Variants in COPS5 observed in about 807,000 individuals in gnomAD.
COPS5 encodes COP9 signalosome complex subunit 5.
In COPS5, 8 loss-of-function variants were observed where a neutral mutation model predicts 44.4. The observed-to-expected ratio is 0.18, with a 90% CI of 0.11 to 0.32. The LOEUF is 0.32. Ranked by LOEUF, COPS5 falls within the 10% of genes least tolerant of loss-of-function variation. COPS5 has a pLI of 1.00. For missense variants in COPS5, 159 were observed against 406.4 expected (o/e 0.39, Z 5.23); for synonymous variants, 122 against 142.8 (o/e 0.85, Z 1.04).
chr8:67,057,470 C>G, intron 3 of COPS5, 25 bp from the exon 4 acceptor site: 4 of 1,512,980 alleles, frequency 2.6e-6, no homozygotes, highest in Non-Finnish European at 9.1e-7. Context: ...TATTTAATAT[C>G]TGCTGATATA....
chr8:67,059,218 G>C lies in COPS5; in HGVS notation c.371C>G (p.Ala124Gly). 6.2e-7 allele frequency: 1 copy of C among 1,612,340 alleles called. No individual in the cohort carries two copies. The highest frequency in any genetic ancestry group is 1.7e-5 in the Admixed American group (1 of 60,002). The change falls in exon 2 of 8, where the codon GCA (alanine) becomes GGA (glycine). Residue 124 changes from alanine to glycine, a missense_variant. By Grantham distance (60) the Ala-to-Gly change is moderately conservative. This residue lies in a region of COPS5 where 134 missense variants were observed against 376.7 expected (regional missense o/e 0.36). Coordinates refer to ENST00000357849, the MANE Select transcript of COPS5 (RefSeq NM_006837.3). Reference protein sequence around the residue: ...YEYMAAYIENAKQVGRLENAI... With the variant: ...YEYMAAYIENGKQVGRLENAI... ...AAGAAACAACATTTTTACCTGTTTT[G>C]CATTTTCTATGTATGCAGCCATGTA...
chr8:67,053,083 C>G (rs1437399766), intron 5 of COPS5, among the ~76,000 whole-genome samples: 1 of 151,848 alleles, frequency 6.6e-6, no homozygotes. Flanking sequence ...CATAGGCACC[C>G]TTTTAAAAAC....
At chr8:67,056,215 A>G (rs1419371252) in intron 5 of COPS5, among the ~76,000 whole-genome samples, 4 of 152,184 alleles carry the variant, frequency 2.6e-5, no homozygotes, top group Non-Finnish European at 5.9e-5. Flanking sequence ...ATATACTATT[A>G]TTGTAAAAGC....
chr8:67,055,191 CAGA>C (rs1237243867), intron 5 of COPS5, among the ~76,000 whole-genome samples: 1 of 152,136 alleles, frequency 6.6e-6, no homozygotes, highest in East Asian at 1.9e-4. Context: ...TGCAGACCAG[CAGA>C]AGTTCAGTGA....
In COPS5 at chr8:67,057,537, A is replaced by G. The variant is rs1804531560; in HGVS notation, c.508-92T>C. The G allele has an allele frequency of 6.5e-6, 5 of 769,424 alleles. No homozygotes were observed. The Admixed American group carries it at 9.9e-5, about 15-fold the overall frequency. 47.7% of individuals were successfully genotyped at this position (769,424 alleles called of 1,614,324 possible). ...ACCTAGAAATGTATACATACATATA[A>G]CACTATATACATACATAATAACCAA... On this transcript the variant is annotated intron_variant, in intron 3 of 7. Coordinates refer to ENST00000357849, the MANE Select transcript of COPS5 (RefSeq NM_006837.3).
At chr8:67,058,354 G>C (rs1032075521) in intron 2 of COPS5, 143 bp from the exon 3 acceptor site, 2 of 684,520 alleles carry the variant, frequency 2.9e-6, no homozygotes, top group Admixed American at 5.5e-5. Flanking sequence ...AAATCTATGG[G>C]CAATTGCTTA....
chr8:67,059,080 T>C, intron 2 of COPS5, 131 bp downstream of exon 2: 2 of 625,578 alleles, frequency 3.2e-6, no homozygotes, highest in Non-Finnish European at 5.4e-6. Flanking sequence ...ATCTCGTACA[T>C]TTTACATATA....
intron 7 of COPS5, chr8:67,045,553 A>G (rs1169358699): frequency 9.5e-6 from 4 of 419,620 alleles, no homozygotes; most frequent in Non-Finnish European, 1.7e-5. Flanking sequence ...TTGAACCTAG[A>G]AAAGGTGACT....
At chr8:67,046,389 T>A (rs1226855994) in intron 6 of COPS5, among the ~76,000 whole-genome samples, 1 of 152,190 alleles carries the variant, frequency 6.6e-6, no homozygotes, top group African/African-American at 2.4e-5. Flanking sequence ...GAAAGTTAAA[T>A]GAAGTAATGC....
chr8:67,048,442 C>T (rs374824273), intron 6 of COPS5, among the ~76,000 whole-genome samples: 10 of 151,792 alleles, frequency 6.6e-5, no homozygotes, highest in East Asian at 1.9e-4. Context: ...TCCAGCCGGG[C>T]GCGGTGGCTC....
intron 1 of COPS5, chr8:67,061,358 G>C (rs1804617231): frequency 2.2e-6 from 1 of 449,502 alleles, no homozygotes; most frequent in Non-Finnish European, 4.4e-6. Context: ...GGAAGGCGAA[G>C]GCGGGAGGAT....
chr8:67,043,477 C>T (rs919994740), intron 7 of COPS5, 160 bp from the exon 8 acceptor site: 5 of 512,134 alleles, frequency 9.8e-6, no homozygotes, highest in Non-Finnish European at 1.4e-5. Flanking sequence ...TTTTATTAGT[C>T]TTCCCCATGT....
intron 2 of COPS5, among the ~76,000 whole-genome samples, chr8:67,058,570 GC>G (rs891166467): frequency 3.3e-4 from 50 of 151,702 alleles, no homozygotes; most frequent in African/African-American, 1.2e-3. Context: ...TTTAAAGGCT[GC>G]CTGGCAGTCC....
chr8:67,052,672 C>T (rs1286732395), intron 5 of COPS5, among the ~76,000 whole-genome samples: 1 of 151,568 alleles, frequency 6.6e-6, no homozygotes, highest in South Asian at 2.1e-4. Context: ...CCCGCCTTGG[C>T]GTCCCAAAGT....
intron 5 of COPS5, among the ~76,000 whole-genome samples, chr8:67,053,384 G>A (rs952677708): frequency 3.3e-5 from 5 of 151,506 alleles, no homozygotes; most frequent in African/African-American, 7.3e-5. Context: ...AAAGTTTAGC[G>A]TGAGGAAATA....
chr8:67,054,388 C>T (rs1037042952), intron 5 of COPS5, among the ~76,000 whole-genome samples: 1 of 152,014 alleles, frequency 6.6e-6, no homozygotes, highest in Non-Finnish European at 1.5e-5. Flanking sequence ...TATTTCCAGG[C>T]TTAGGAGCAA....
In COPS5 at chr8:67,057,398, G is replaced by A. The variant is rs368706550; in HGVS notation, c.555C>T (p.Ala185=). Residue 185 remains alanine, a synonymous_variant, in exon 4 of 8, where the codon GCC becomes GCT. Coordinates refer to ENST00000357849, the MANE Select transcript of COPS5 (RefSeq NM_006837.3). ...TISAGKVNLG[A]FRTYPKGYKP... ...AAGTTACCTTTGGGTATGTCCTAAA[G>A]GCGCCAAGATTCACTTTCCCTGCGG... is the stretch of plus-strand genomic sequence containing the variant. The A allele has an allele frequency of 5.7e-5, 92 of 1,610,254 alleles. No individual in the cohort carries two copies. The highest frequency in any genetic ancestry group is 7.5e-5 in the Non-Finnish European group (88 of 1,178,142).
Position 67,060,027 on chromosome 8 carries a change from AAG to A in COPS5, c.144-584_144-583del, listed in dbSNP as rs1468282042. The A allele has an allele frequency of 3.0e-5, 5 of 165,384 alleles. No individual in the cohort carries two copies. In the East Asian group the frequency reaches 8.5e-4, roughly 28 times the overall value. The allele number at this position is 165,384 out of a possible 1,614,324, so 10.2% of individuals were successfully genotyped here. ...GCCTTACACATACTAGAACCCTAATAAGTGCTAGCTGTTATCAGCATTATTAA... is the reference window on the plus strand; with the variant it reads ...GCCTTACACATACTAGAACCCTAATATGCTAGCTGTTATCAGCATTATTAA... On this transcript the variant is annotated intron_variant, in intron 1 of 7. Coordinates refer to ENST00000357849, the MANE Select transcript of COPS5 (RefSeq NM_006837.3).
chr8:67,051,109 C>G (rs773161020), intron 6 of COPS5, 121 bp downstream of exon 6: 1 of 686,056 alleles, frequency 1.5e-6, no homozygotes, highest in Non-Finnish European at 2.6e-6. Flanking sequence ...AGAATCCCAC[C>G]CTAGCCCTGG....
Sources: gnomAD v4.1 joint callset for allele counts (sites outside exome capture counted in the v4.1 genomes callset) on GRCh38, gnomAD v4.1.1 for gene constraint, gnomAD v4.1.1 regional missense constraint, MANE v1.5 for transcripts, NCBI Gene and HGNC (gene_info 2026-07-23, HGNC 2026-07-21) for gene names.